ZDHHC14: variants seen among roughly 807,000 people sequenced by gnomAD.
ZDHHC14 encodes the protein palmitoyltransferase ZDHHC14.
A neutral mutation model predicts 47.7 loss-of-function variants in ZDHHC14; 16 were observed. The observed-to-expected ratio is 0.34, with a 90% confidence interval of 0.23 to 0.51. The LOEUF (loss-of-function observed/expected upper bound fraction) is 0.51. Among genes scored for constraint, ZDHHC14 ranks in the 20% least tolerant of loss-of-function variants. The probability of loss-of-function intolerance (pLI) is 0.97; values close to 1 mark genes in which losing one functional copy is unlikely to be tolerated. For synonymous variants in ZDHHC14, 293 were observed against 278.9 expected (o/e 1.05, Z -0.50); for missense variants, 515 against 662.5 (o/e 0.78, Z 2.44).
chr6:157,658,239 A>G (rs1421354113), intron 8 of ZDHHC14, among the ~76,000 whole-genome samples: 1 of 152,166 alleles, frequency 6.6e-6, no homozygotes, highest in African/African-American at 2.4e-5. Context: ...CCTGCCAGTT[A>G]GTTCCCTGAT....
intron 8 of ZDHHC14, among the ~76,000 whole-genome samples, chr6:157,667,723 A>G (rs1437029755): frequency 6.6e-6 from 1 of 152,210 alleles, no homozygotes; most frequent in Non-Finnish European, 1.5e-5. Flanking sequence ...TGAGAATCAC[A>G]GCCATGAAGG....
intron 1 of ZDHHC14, among the ~76,000 whole-genome samples, chr6:157,528,849 T>G (rs1781264558): frequency 2.3e-5 from 3 of 132,396 alleles, no homozygotes; most frequent in African/African-American, 9.6e-5. Context: ...AGACTGGGGG[T>G]GGGAGTGGGC....
intron 1 of ZDHHC14, among the ~76,000 whole-genome samples, chr6:157,412,031 T>G (rs938036377): frequency 1.3e-5 from 2 of 150,476 alleles, no homozygotes; most frequent in Non-Finnish European, 3.0e-5. Context: ...CTCCACCTCC[T>G]GGGTTCAAGC....
chr6:157,535,201 A>G (rs553468805), intron 1 of ZDHHC14, among the ~76,000 whole-genome samples: 1 of 152,304 alleles, frequency 6.6e-6, no homozygotes, highest in South Asian at 2.1e-4. Flanking sequence ...TGTTCACGCA[A>G]GTGCTTGAAG....
At chr6:157,548,524 G>A (rs1292336804) in intron 2 of ZDHHC14, among the ~76,000 whole-genome samples, 2 of 152,122 alleles carry the variant, frequency 1.3e-5, no homozygotes, top group East Asian at 1.9e-4. Flanking sequence ...TCAGCTCACC[G>A]CAACCTCTGC....
chr6:157,451,576 T>G (rs1778803079), intron 1 of ZDHHC14, among the ~76,000 whole-genome samples: 1 of 152,224 alleles, frequency 6.6e-6, no homozygotes, highest in Non-Finnish European at 1.5e-5. Flanking sequence ...TTTTATTATT[T>G]TTGAGACAGA....
chr6:157,385,235 T>C (rs1777288365), intron 1 of ZDHHC14, among the ~76,000 whole-genome samples: 1 of 152,156 alleles, frequency 6.6e-6, no homozygotes, highest in Non-Finnish European at 1.5e-5. Context: ...ACTGTAGGCA[T>C]GCACCACCAC....
At chr6:157,454,428 A>G (rs1467150678) in intron 1 of ZDHHC14, among the ~76,000 whole-genome samples, 1 of 152,086 alleles carries the variant, frequency 6.6e-6, no homozygotes, top group African/African-American at 2.4e-5. Context: ...AAATGTGTGT[A>G]TCCCTAAGAA....
chr6:157,452,692 T>A (rs1486794798), intron 1 of ZDHHC14, among the ~76,000 whole-genome samples: 1 of 37,792 alleles, frequency 2.6e-5, no homozygotes, highest in African/African-American at 8.3e-5. Context: ...ACATGGGGAT[T>A]TTTTTTTTTT....
At chr6:157,510,295 A>G (rs781149138) in intron 1 of ZDHHC14, among the ~76,000 whole-genome samples, 1 of 152,184 alleles carries the variant, frequency 6.6e-6, no homozygotes, top group Non-Finnish European at 1.5e-5. Context: ...TCAGCTGCAC[A>G]CTTGCCACTG....
At chr6:157,617,219 C>T (rs1269020245) in intron 3 of ZDHHC14, among the ~76,000 whole-genome samples, 1 of 152,126 alleles carries the variant, frequency 6.6e-6, no homozygotes, top group Non-Finnish European at 1.5e-5. Flanking sequence ...TTGAAAAGTA[C>T]ACAGTACGGT....
chr6:157,628,551 G>C, intron 4 of ZDHHC14, 65 bp downstream of exon 4: 1 of 1,566,508 alleles, frequency 6.4e-7, no homozygotes, highest in South Asian at 1.2e-5. Flanking sequence ...TTTCCTATTT[G>C]ATTTTGATTT....
intron 1 of ZDHHC14, among the ~76,000 whole-genome samples, chr6:157,494,214 C>A (rs1248648654): frequency 6.6e-6 from 1 of 152,198 alleles, no homozygotes. Flanking sequence ...GAGGCCAGAG[C>A]CCCTGGGATG....
chr6:157,449,759 C>T (rs34762480), intron 1 of ZDHHC14, among the ~76,000 whole-genome samples: 29,038 of 151,974 alleles, frequency 0.19, 3,017 homozygotes, highest in African/African-American at 0.25. Flanking sequence ...CAAAGGCTGC[C>T]GGAATTCCTT....
intron 1 of ZDHHC14, among the ~76,000 whole-genome samples, chr6:157,425,754 T>G (rs1778205588): frequency 6.6e-6 from 1 of 152,184 alleles, no homozygotes; most frequent in Non-Finnish European, 1.5e-5. Context: ...GGTCCCTGTT[T>G]CCCCTGCAGC....
At chr6:157,635,822 C>G (rs1776944724) in intron 5 of ZDHHC14, among the ~76,000 whole-genome samples, 1 of 152,204 alleles carries the variant, frequency 6.6e-6, no homozygotes, top group South Asian at 2.1e-4. Flanking sequence ...AAAAGAGATG[C>G]TCTTACTTAT....
At position 157,542,223 on chromosome 6, in the gene ZDHHC14, A is replaced by C. The variant is rs573543673; in HGVS notation, c.246-362A>C. 5.9e-5 allele frequency among the ~76,000 whole-genome samples: 9 copies of C among 152,140 alleles called. No individual in the cohort carries two copies. In the South Asian group the frequency reaches 1.9e-3, roughly 32 times the overall value. ...TGTAATCCCAGGGGAGGGCAGGGGG[A>C]TCTCATAGACTCCCGAACCGTGTTT... On this transcript the variant is annotated intron_variant, in intron 1 of 8. Coordinates refer to ENST00000359775, the MANE Select transcript of ZDHHC14 (RefSeq NM_024630.3).
Position 157,441,067 on chromosome 6 carries a change from T to C in ZDHHC14, c.245+58801T>C, listed in dbSNP as rs112447398. Among the ~76,000 whole-genome samples, 931 of 152,340 alleles carry C rather than the reference T, an allele frequency of 6.1e-3. 8 individuals are homozygous for C. The highest frequency in any genetic ancestry group is 0.021 in the African/African-American group (871 of 41,572). ...CCAGAGGAAATCTAAGTTTCCAAGA[T>C]TTCCTTTTCTGTCTCTTTTTTGTGG... On this transcript the variant is annotated intron_variant, in intron 1 of 8. Transcript: ENST00000359775.
chr6:157,562,071 T>C (rs885536), intron 2 of ZDHHC14, among the ~76,000 whole-genome samples: 38,017 of 152,124 alleles, frequency 0.25, 4,933 homozygotes, highest in East Asian at 0.37. Context: ...CACACAGCTT[T>C]TCACAGGGAA....
Sources: gnomAD v4.1 joint callset for allele counts (sites outside exome capture counted in the v4.1 genomes callset) on GRCh38, gnomAD v4.1.1 for gene constraint, MANE v1.5 for transcripts, NCBI Gene and HGNC (gene_info 2026-07-23, HGNC 2026-07-21) for gene names.